PTGIS: variants seen among roughly 807,000 people sequenced by gnomAD.
PTGIS encodes the protein prostaglandin I2 synthase.
PTGIS carries 45 observed loss-of-function variants against 50.3 expected under a neutral mutation model. The observed-to-expected ratio is 0.90, with a 90% CI of 0.70 to 1.15. The LOEUF is 1.15. PTGIS is among the 50% of genes most tolerant of loss of function. PTGIS has a pLI of 0.00. For missense variants in PTGIS, 668 were observed against 661.3 expected (o/e 1.01, Z -0.11); for synonymous variants, 260 against 267.7 (o/e 0.97, Z 0.28).
rs751711496 is a variant in PTGIS, at chr20:49,514,314, G to C, written c.937C>G (p.Leu313Val). The part of the protein sequence containing the change: ...PEALAAVRGE[L>V]ESILWQAEQP... ...TCCGCTTGCCAAAGGATACTCTCGA[G>C]CTCTCCGCGGACAGCAGCCAGGGCT... Residue 313 changes from leucine (L) to valine (V), a missense_variant, in exon 7 of 10, where the codon CTC becomes GTC. Leu to Val is a conservative substitution (Grantham distance 32). Coordinates refer to ENST00000244043, the MANE Select transcript of PTGIS (RefSeq NM_000961.4). 6.2e-6 allele frequency: 10 copies of C among 1,614,032 alleles called. No individual in the cohort carries two copies. The highest frequency in any genetic ancestry group is 8.5e-6 in the Non-Finnish European group (10 of 1,180,038).
At chr20:49,567,420 C>A (rs1982927620) in intron 1 of PTGIS, among the ~76,000 whole-genome samples, 2 of 152,166 alleles carry the variant, frequency 1.3e-5, no homozygotes, top group Non-Finnish European at 2.9e-5. Context: ...TTCTCCCTGG[C>A]AAATGAAATT....
chr20:49,561,626 G>A (rs997156332), intron 1 of PTGIS, among the ~76,000 whole-genome samples: 2 of 152,210 alleles, frequency 1.3e-5, no homozygotes, highest in East Asian at 1.9e-4. Context: ...GCATGGTCAC[G>A]ATGAGCCCAA....
At chr20:49,508,209 G>GC in intron 9 of PTGIS, 145 bp from the exon 10 acceptor site, 1 of 993,872 alleles carries the variant, frequency 1.0e-6, no homozygotes. Flanking sequence ...TAGAAGAAAC[G>GC]CATTTGCTGC....
Position 49,504,516 on chromosome 20 carries a change from A to T in PTGIS, c.*3404T>A, listed in dbSNP as rs1432431923. The T allele has an allele frequency of 6.6e-6, 1 of 151,952 alleles. No homozygotes were observed. 9.4% of individuals were successfully genotyped at this position (151,952 alleles called of 1,614,324 possible). A position where few individuals can be genotyped will look rare whatever the true frequency, so the allele number is the denominator to read the frequency against. On this transcript the variant is annotated 3_prime_UTR_variant, in exon 10 of 10. Transcript: ENST00000244043. ...CGAGACCAGCCTGACCAACATGGGGAAACCCCGTCTCTACTAAAAATACAA... is the reference window on the plus strand; with the variant it reads ...CGAGACCAGCCTGACCAACATGGGGTAACCCCGTCTCTACTAAAAATACAA...
intron 6 of PTGIS, 21 bp downstream of exon 6, chr20:49,524,037 C>A: frequency 1.2e-6 from 2 of 1,614,122 alleles, no homozygotes; most frequent in Non-Finnish European, 1.7e-6. Context: ...TGCACACACC[C>A]ACTTGCACAT....
At chr20:49,556,765 T>C (rs531468223) in intron 1 of PTGIS, among the ~76,000 whole-genome samples, 9 of 152,306 alleles carry the variant, frequency 5.9e-5, no homozygotes, top group Non-Finnish European at 1.3e-4. Context: ...AGTCTAGACT[T>C]GTCTAATGTT....
rs182204601 is a variant in PTGIS, at chr20:49,547,968, C to T, written c.250G>A (p.Asp84Asn). 2.0e-5 allele frequency: 32 copies of T among 1,614,104 alleles called. No homozygotes were observed. Among genetic ancestry groups the T allele is most frequent in the Admixed American group, 5.0e-5 (3 of 60,008 alleles). ...GTGCGAGGCTCCCACACCACCGCGT[C>T]GTAGGAGTGTGGGTCCAGGAGAACG... is the stretch of plus-strand genomic sequence containing the variant. ...VTVLLDPHSYDAVVWEPRTRL... is the reference protein window; with the variant it reads ...VTVLLDPHSYNAVVWEPRTRL... The change falls in exon 3 of 10, where the codon GAC becomes AAC. Residue 84 changes from aspartate to asparagine, a missense_variant. Transcript: ENST00000244043.
intron 3 of PTGIS, among the ~76,000 whole-genome samples, chr20:49,545,316 G>C (rs1433093612): frequency 6.6e-6 from 1 of 152,072 alleles, no homozygotes; most frequent in East Asian, 1.9e-4. Context: ...CTACTCAGGA[G>C]GCTGAGGTGG....
chr20:49,550,834 C>T (rs1005690340), intron 1 of PTGIS, among the ~76,000 whole-genome samples: 2 of 152,160 alleles, frequency 1.3e-5, no homozygotes, highest in Non-Finnish European at 2.9e-5. Flanking sequence ...ATGGAGAGCA[C>T]GTAACTCCCT....
intron 1 of PTGIS, among the ~76,000 whole-genome samples, chr20:49,551,475 T>C (rs1982505222): frequency 6.6e-6 from 1 of 152,208 alleles, no homozygotes; most frequent in Non-Finnish European, 1.5e-5. Context: ...ATCAGAAAGT[T>C]TTAAAATCCA....
At chr20:49,529,565 A>C (rs1389983921) in intron 5 of PTGIS, among the ~76,000 whole-genome samples, 2 of 152,186 alleles carry the variant, frequency 1.3e-5, no homozygotes, top group African/African-American at 2.4e-5. Flanking sequence ...ATATTAAATG[A>C]AAAACTCCCT....
rs1359278585 is a variant in PTGIS at position 49,511,101 on chromosome 20, T to C, written c.1285A>G (p.Asn429Asp). ...DFYKDGKRLK[N>D]YNMPWGAGHN... is the part of the protein sequence containing the mutation. ...CCCGCCCCCCAGGGCATGTTGTAAT[T>C]CTTCAGCCGTTTCCCATCCTTGTAA... Residue 429 changes from asparagine (N) to aspartate (D), a missense_variant, in exon 9 of 10, where the codon AAT (asparagine) becomes GAT (aspartate). Physicochemically the swap from Asn to Asp is conservative, Grantham distance 23. Transcript: ENST00000244043. 27 of 1,614,212 alleles carry C rather than the reference T, an allele frequency of 1.7e-5. No homozygotes were observed. Among genetic ancestry groups the C allele is most frequent in the Non-Finnish European group, 2.3e-5 (27 of 1,180,042 alleles).
chr20:49,513,208 C>G lies in PTGIS; in HGVS notation c.1078G>C (p.Glu360Gln), dbSNP rs267605986. ...RLTAAPFITR[E>Q]VVVDLAMPMA... The stretch of plus-strand genomic sequence containing the variant: ...GGCATGGCCAGGTCCACCACAACCT[C>G]GCGGGTGATGAAGGGGGCAGCTGTA... Residue 360 changes from glutamate (E) to glutamine (Q), a missense_variant, in exon 8 of 10, where the codon GAG becomes CAG. Coordinates refer to ENST00000244043, the MANE Select transcript of PTGIS (RefSeq NM_000961.4). 1 of 1,613,954 alleles carries G rather than the reference C, an allele frequency of 6.2e-7. No homozygotes were observed. The highest frequency in any genetic ancestry group is 1.1e-5 in the South Asian group (1 of 91,092).
intron 2 of PTGIS, among the ~76,000 whole-genome samples, chr20:49,549,204 A>G (rs1326868034): frequency 6.6e-6 from 1 of 152,204 alleles, no homozygotes; most frequent in African/African-American, 2.4e-5. Flanking sequence ...GATTGGTTCC[A>G]GGACCTCCTG....
At position 49,511,094 on chromosome 20, in the gene PTGIS, T is replaced by C; in HGVS notation, c.1292A>G (p.Asn431Ser). The C allele has an allele frequency of 6.2e-7, 1 of 1,614,214 alleles. No homozygotes were observed. The highest frequency in any genetic ancestry group is 8.5e-7 in the Non-Finnish European group (1 of 1,180,024). Reference protein sequence around the residue: ...YKDGKRLKNYNMPWGAGHNHC... With the variant: ...YKDGKRLKNYSMPWGAGHNHC... ...ATTGTGCCCCGCCCCCCAGGGCATG[T>C]TGTAATTCTTCAGCCGTTTCCCATC... Residue 431 changes from asparagine (N) to serine (S), a missense_variant, in exon 9 of 10, where the codon AAC becomes AGC. Transcript: ENST00000244043.
intron 1 of PTGIS, among the ~76,000 whole-genome samples, chr20:49,552,696 C>T (rs1345333633): frequency 1.3e-5 from 2 of 152,116 alleles, no homozygotes; most frequent in African/African-American, 4.8e-5. Context: ...ACCCAGGAGT[C>T]AAACACTATA....
intron 5 of PTGIS, among the ~76,000 whole-genome samples, chr20:49,535,798 G>A (rs985904778): frequency 2.0e-5 from 3 of 152,238 alleles, no homozygotes; most frequent in Non-Finnish European, 4.4e-5. Context: ...TTACAGGCAT[G>A]AGCCACCGTG....
intron 1 of PTGIS, among the ~76,000 whole-genome samples, chr20:49,556,222 A>T (rs1157721461): frequency 6.6e-6 from 1 of 152,226 alleles, no homozygotes; most frequent in Non-Finnish European, 1.5e-5. Context: ...ATGGCAATGT[A>T]GTTATTTGCC....
intron 6 of PTGIS, among the ~76,000 whole-genome samples, chr20:49,521,061 T>C (rs1334504088): frequency 1.3e-5 from 2 of 152,228 alleles, no homozygotes; most frequent in African/African-American, 4.8e-5. Flanking sequence ...GCTTCTAGAA[T>C]GGGGCCTGGC....
Sources: allele counts gnomAD v4.1 joint callset (sites outside exome capture counted in the v4.1 genomes callset), GRCh38; gene constraint gnomAD v4.1.1; transcripts MANE v1.5; gene names NCBI Gene and HGNC (gene_info 2026-07-23, HGNC 2026-07-21).